Variants in APBA2 observed in about 807,000 individuals in gnomAD.
The protein encoded by APBA2 is amyloid-beta A4 precursor protein-binding family A member 2.
Under a neutral mutation model 75.0 loss-of-function variants are expected in APBA2, and 30 were observed. The observed-to-expected ratio is 0.40, with a 90% CI of 0.30 to 0.54. The LOEUF is 0.54. Ranked by LOEUF, APBA2 falls within the 20% of genes least tolerant of loss-of-function variation. The pLI is 0.49. For missense variants in APBA2, 801 were observed against 1,016.1 expected, an observed-to-expected ratio of 0.79 and a Z score of 2.88; for synonymous variants, 444 against 409.6, an observed-to-expected ratio of 1.08 and a Z score of -1.01.
chr15:28,922,416 A>G lies in APBA2; in HGVS notation c.-95+667A>G, dbSNP rs368962929. Among the ~76,000 whole-genome samples, 4 of 152,156 alleles carry G rather than the reference A, an allele frequency of 2.6e-5. No individual in the cohort carries two copies. The East Asian group carries it at 5.8e-4, about 22-fold the overall frequency. Reference sequence around the variant, plus strand: ...TCCCCACAAGGCGATTGTGCAGGACATGTTCTCGAGCTGCCTGCAGGGTCT... The same window carrying G: ...TCCCCACAAGGCGATTGTGCAGGACGTGTTCTCGAGCTGCCTGCAGGGTCT... On this transcript the variant is annotated intron_variant, in intron 2 of 14. Transcript: ENST00000683413.
chr15:28,953,998 G>T (rs1216511399), intron 2 of APBA2, among the ~76,000 whole-genome samples: 1 of 152,064 alleles, frequency 6.6e-6, no homozygotes, highest in South Asian at 2.1e-4. Flanking sequence ...CACACAACAG[G>T]CACCAAGCTG....
rs1288352835 is a variant in APBA2, at chr15:29,113,856, A to G, written c.2038-20A>G. On this transcript the variant is annotated intron_variant, in intron 13 of 14. Transcript: ENST00000683413. ...GGGTGTGGCGGGAACACGTGTGCTG[A>G]CCTGGCCATGTCTGCTTAGATCTGC... The G allele has an allele frequency of 6.2e-7, 1 of 1,604,620 alleles. No homozygotes were observed.
intron 2 of APBA2, among the ~76,000 whole-genome samples, chr15:28,938,359 CG>C (rs1261570018): frequency 4.6e-5 from 7 of 152,186 alleles, no homozygotes; most frequent in Admixed American, 2.0e-4. Flanking sequence ...CAATTACAAA[CG>C]GAAGTGTGTC....
intron 2 of APBA2, among the ~76,000 whole-genome samples, chr15:28,992,169 C>T (rs1040388879): frequency 3.9e-5 from 6 of 152,096 alleles, no homozygotes; most frequent in African/African-American, 1.4e-4. Flanking sequence ...ATGAGCTGCC[C>T]TATTGGGGTT....
At chr15:29,016,837 G>A (rs1324390189) in intron 3 of APBA2, among the ~76,000 whole-genome samples, 3 of 151,740 alleles carry the variant, frequency 2.0e-5, no homozygotes, top group Admixed American at 6.6e-5. Flanking sequence ...CTCTGTCTCC[G>A]TTTCTCTCTC....
chr15:28,984,250 G>C (rs896888899), intron 2 of APBA2, among the ~76,000 whole-genome samples: 44 of 152,222 alleles, frequency 2.9e-4, no homozygotes, highest in African/African-American at 1.1e-3. Context: ...GAGGGCAGGG[G>C]GAGCTGCGGA....
At chr15:29,028,229 A>G (rs1425814856) in intron 3 of APBA2, among the ~76,000 whole-genome samples, 1 of 148,442 alleles carries the variant, frequency 6.7e-6, no homozygotes, top group African/African-American at 2.5e-5. Flanking sequence ...TTCAGCTCCC[A>G]CTTATAAGTG....
chr15:28,892,848 A>C (rs1429163390), intron 1 of APBA2, among the ~76,000 whole-genome samples: 1 of 152,198 alleles, frequency 6.6e-6, no homozygotes, highest in Non-Finnish European at 1.5e-5. Flanking sequence ...TTAATTGTCA[A>C]CTGTCTTGGA....
rs1484478831 is a variant in APBA2 at position 29,075,015 on chromosome 15, A to G, written c.1032+14A>G. On this transcript the variant is annotated intron_variant, in intron 5 of 14. Transcript: ENST00000683413. ...AACATTCCAGAGGTAATTTTTTTCAAGGATGAGAGTTCTGGGCTGGAACAC... is the reference window on the plus strand; with the variant it reads ...AACATTCCAGAGGTAATTTTTTTCAGGGATGAGAGTTCTGGGCTGGAACAC... The G allele has an allele frequency of 6.2e-7, 1 of 1,601,492 alleles. No homozygotes were observed. The highest frequency in any genetic ancestry group is 8.5e-7 in the Non-Finnish European group (1 of 1,169,706).
intron 6 of APBA2, among the ~76,000 whole-genome samples, chr15:29,081,135 G>A (rs996678274): frequency 1.3e-5 from 2 of 152,166 alleles, no homozygotes; most frequent in Non-Finnish European, 2.9e-5. Context: ...TGCTTTGTTG[G>A]TTTCATACAG....
chr15:28,940,061 T>C (rs1221341172), intron 2 of APBA2, among the ~76,000 whole-genome samples: 1 of 152,038 alleles, frequency 6.6e-6, no homozygotes, highest in Admixed American at 6.6e-5. Context: ...ATCCTGTGGG[T>C]AGTGAGAGTC....
chr15:29,117,094 C>T lies in APBA2; in HGVS notation c.2211C>T (p.Phe737=), dbSNP rs370256809. 2 of 1,613,222 alleles carry T rather than the reference C, an allele frequency of 1.2e-6. No individual in the cohort carries two copies. Among genetic ancestry groups the T allele is most frequent in the African/African-American group, 1.3e-5 (1 of 74,922 alleles). The change falls in exon 15 of 15, where the codon TTC becomes TTT. Residue 737 remains phenylalanine (F), a synonymous_variant. Transcript: ENST00000683413. ...IHMKTMPAAM[F]RLLTGQETPL... ...TGAAGACCATGCCCGCCGCCATGTT[C>T]AGGCTCCTCACGGGTCAGGAGACCC... is the stretch of plus-strand genomic sequence containing the variant.
At chr15:29,052,282 C>T (rs758501338) in intron 3 of APBA2, among the ~76,000 whole-genome samples, 6 of 151,760 alleles carry the variant, frequency 4.0e-5, no homozygotes, top group Admixed American at 1.3e-4. Context: ...GGTGAAACCC[C>T]GTCTCTACTA....
At chr15:28,977,660 T>G (rs942208918) in intron 2 of APBA2, among the ~76,000 whole-genome samples, 2 of 152,154 alleles carry the variant, frequency 1.3e-5, no homozygotes, top group Non-Finnish European at 2.9e-5. Flanking sequence ...GTCCAGCACA[T>G]AAACCTCCTG....
chr15:29,001,844 C>G lies in APBA2; in HGVS notation c.-41+6038C>G, dbSNP rs7164243. On this transcript the variant is annotated intron_variant, in intron 3 of 14. Transcript: ENST00000683413. ...TGGAAAATGGGTTAAGAAAGTAGCA[C>G]GAGGAACTGTGAGCCCAACATAATT... 5.1e-3 allele frequency among the ~76,000 whole-genome samples: 771 copies of G among 152,104 alleles called. 3 individuals carry two copies. The highest frequency in any genetic ancestry group is 0.018 in the African/African-American group (734 of 41,492).
chr15:29,024,420 G>T (rs2040113529), intron 3 of APBA2, among the ~76,000 whole-genome samples: 1 of 152,180 alleles, frequency 6.6e-6, no homozygotes. Context: ...TCTTTACCAG[G>T]GCCTGGTCAC....
intron 2 of APBA2, among the ~76,000 whole-genome samples, chr15:28,976,499 C>G (rs1048197102): frequency 6.6e-6 from 1 of 152,158 alleles, no homozygotes; most frequent in Non-Finnish European, 1.5e-5. Flanking sequence ...AAGGAAGTCT[C>G]CTTCTGGTCC....
Position 29,098,485 on chromosome 15 carries a change from C to T in APBA2, c.1252-5C>T. 1 of 1,612,442 alleles carries T rather than the reference C, an allele frequency of 6.2e-7. No homozygotes were observed. The highest frequency in any genetic ancestry group is 1.1e-5 in the South Asian group (1 of 91,052). ...GACTTTAACAATATCCACTGTCCTT[C>T]TTAGAATTCTGAGGGGGATGCCCAG... On this transcript the variant is annotated splice_region_variant and splice_polypyrimidine_tract_variant and intron_variant, in intron 8 of 14. Transcript: ENST00000683413.
Position 28,991,207 on chromosome 15 carries a change from C to G in APBA2, c.-94-4546C>G, listed in dbSNP as rs1489074140. ...TGTCTCAGCACCATCTCTGTGTGTCCCATCAGGAAGCAACAGACAACTCCC... is the reference window on the plus strand; with the variant it reads ...TGTCTCAGCACCATCTCTGTGTGTCGCATCAGGAAGCAACAGACAACTCCC... On this transcript the variant is annotated intron_variant, in intron 2 of 14. Transcript: ENST00000683413. The surrounding 1 kb of genome is among the most constrained non-coding windows in gnomAD (Gnocchi z 4.7). Among the ~76,000 whole-genome samples the G allele has an allele frequency of 6.6e-6, 1 of 152,156 alleles. No individual in the cohort carries two copies. The highest frequency in any genetic ancestry group is 1.5e-5 in the Non-Finnish European group (1 of 68,020).
Sources: gnomAD v4.1 joint callset for allele counts (sites outside exome capture counted in the v4.1 genomes callset) on GRCh38, gnomAD v4.1.1 for gene constraint, Gnocchi (gnomAD v3.1) non-coding constraint, MANE v1.5 for transcripts, NCBI Gene and HGNC (gene_info 2026-07-23, HGNC 2026-07-21) for gene names.